The following KHDRBS2 variants were observed in gnomAD, a reference collection of about 807,000 sequenced individuals.
KHDRBS2 encodes KH RNA binding domain containing, signal transduction associated 2, also known as KH domain-containing, RNA-binding, signal transduction-associated protein 2.
KHDRBS2 carries 26 observed loss-of-function variants against 44.3 expected under a neutral mutation model. That is an observed-to-expected ratio of 0.59 (90% confidence interval 0.43 to 0.81). The LOEUF (loss-of-function observed/expected upper bound fraction) is 0.81, where lower values mean the gene tolerates loss of function less well. KHDRBS2 is among the 40% of genes least tolerant of loss of function. The pLI, the probability that KHDRBS2 is intolerant of heterozygous loss-of-function variation, is 0.00. For missense variants in KHDRBS2, 476 were observed against 433.1 expected (o/e 1.10, Z -0.88); for synonymous variants, 194 against 151.1 (o/e 1.28, Z -2.08).
At position 61,894,714 on chromosome 6, in the gene KHDRBS2, G is replaced by T. The variant is rs1802598387; in HGVS notation, c.731C>A (p.Thr244Asn). ...PVPPVARGVPTPRARGAPTVP... is the reference protein window; with the variant it reads ...PVPPVARGVPNPRARGAPTVP... ...TGTTGGTGCCCCCCGGGCTCGAGGG[G>T]TAGGGACACCTCTTGCTACAGGTGG... The change falls in exon 6 of 9, where the codon ACC becomes AAC. Residue 244 changes from threonine to asparagine, a missense_variant. Coordinates refer to ENST00000281156, the MANE Select transcript of KHDRBS2 (RefSeq NM_152688.4). 2.5e-6 allele frequency: 4 copies of T among 1,613,524 alleles called. No individual in the cohort carries two copies. Among genetic ancestry groups the T allele is most frequent in the African/African-American group, 1.3e-5 (1 of 74,902 alleles).
chr6:61,555,718 G>A, the KHDRBS2 span, among the ~76,000 whole-genome samples: 1 of 152,164 alleles, frequency 6.6e-6, no homozygotes, highest in Non-Finnish European at 1.5e-5. Flanking sequence ...GATGCCCTTA[G>A]GGGTTTGATT....
intron 6 of KHDRBS2, among the ~76,000 whole-genome samples, chr6:61,859,659 G>C (rs1032652195): frequency 3.9e-5 from 6 of 151,914 alleles, no homozygotes; most frequent in Non-Finnish European, 8.8e-5. Flanking sequence ...AGGGTTCTCA[G>C]CTGGCACTTC....
intron 6 of KHDRBS2, among the ~76,000 whole-genome samples, chr6:61,769,620 C>A (rs545141587): frequency 7.8e-6 from 1 of 128,154 alleles, no homozygotes; most frequent in African/African-American, 3.6e-5. Context: ...AAGGCGGCAG[C>A]GAGGCTGGGG....
chr6:61,682,233 A>G (rs1180531595), intron 8 of KHDRBS2, among the ~76,000 whole-genome samples: 1 of 151,886 alleles, frequency 6.6e-6, no homozygotes, highest in Non-Finnish European at 1.5e-5. Context: ...ACAATCTACT[A>G]TGTAGAAAAA....
chr6:62,035,498 G>A (rs1478365340), intron 3 of KHDRBS2, among the ~76,000 whole-genome samples: 1 of 151,984 alleles, frequency 6.6e-6, no homozygotes, highest in Non-Finnish European at 1.5e-5. Context: ...AAGCTGGGAA[G>A]GGGTTAGTGG....
chr6:62,061,966 C>T (rs568956652), intron 2 of KHDRBS2, among the ~76,000 whole-genome samples: 14 of 151,942 alleles, frequency 9.2e-5, no homozygotes, highest in East Asian at 2.0e-4. Context: ...TTGATCACAT[C>T]GGCTCCTGAG....
intron 3 of KHDRBS2, among the ~76,000 whole-genome samples, chr6:62,005,787 AT>A (rs1779105463): frequency 6.6e-6 from 1 of 151,924 alleles, no homozygotes; most frequent in Admixed American, 6.6e-5. Context: ...AAAATAAAAA[AT>A]GATAAAGCAG....
intron 3 of KHDRBS2, among the ~76,000 whole-genome samples, chr6:61,995,525 A>G (rs546939956): frequency 1.3e-5 from 2 of 152,286 alleles, no homozygotes; most frequent in African/African-American, 4.8e-5. Flanking sequence ...TGCTTTGGGA[A>G]GTCCAGGGTT....
At chr6:61,604,537 C>T in the KHDRBS2 span, among the ~76,000 whole-genome samples, 2 of 152,194 alleles carry the variant, frequency 1.3e-5, no homozygotes, top group Non-Finnish European at 1.5e-5. Flanking sequence ...TTCATAACCT[C>T]TTCCATGTAG....
At chr6:61,795,601 A>C (rs574626318) in intron 6 of KHDRBS2, among the ~76,000 whole-genome samples, 31 of 152,318 alleles carry the variant, frequency 2.0e-4, no homozygotes, top group African/African-American at 7.2e-4. Context: ...CTTTTGTTCT[A>C]GTTTTATTTC....
chr6:61,765,985 A>T (rs552958377), intron 6 of KHDRBS2, among the ~76,000 whole-genome samples: 1 of 152,176 alleles, frequency 6.6e-6, no homozygotes, highest in East Asian at 1.9e-4. Context: ...TCAGGGTAAT[A>T]CTTGCCTCAT....
chr6:61,577,488 A>G, the KHDRBS2 span, among the ~76,000 whole-genome samples: 17 of 152,236 alleles, frequency 1.1e-4, no homozygotes, highest in Non-Finnish European at 2.4e-4. Context: ...ACCATCTCCA[A>G]TCTCAGACTT....
intron 2 of KHDRBS2, among the ~76,000 whole-genome samples, chr6:62,152,961 G>A (rs1198550857): frequency 2.0e-5 from 3 of 152,222 alleles, no homozygotes; most frequent in South Asian, 2.1e-4. Flanking sequence ...ACAGCATCCC[G>A]GATCCACCTG....
intron 1 of KHDRBS2, among the ~76,000 whole-genome samples, chr6:62,215,647 T>C (rs1028814392): frequency 6.6e-6 from 1 of 151,880 alleles, no homozygotes; most frequent in Non-Finnish European, 1.5e-5. Context: ...ATTCTGTTTA[T>C]GTATCTTCCC....
intron 1 of KHDRBS2, among the ~76,000 whole-genome samples, chr6:62,209,778 T>C (rs1828706588): frequency 6.6e-6 from 1 of 152,166 alleles, no homozygotes; most frequent in Admixed American, 6.5e-5. Context: ...TGCTGAGTCT[T>C]CCAGCCTTCA....
the KHDRBS2 span, among the ~76,000 whole-genome samples, chr6:61,591,636 C>T: frequency 6.6e-6 from 1 of 152,156 alleles, no homozygotes; most frequent in South Asian, 2.1e-4. Flanking sequence ...CAAGATGAAG[C>T]AGGAAACCAG....
chr6:61,697,112 G>T, intron 8 of KHDRBS2, 83 bp downstream of exon 8: 1 of 937,048 alleles, frequency 1.1e-6, no homozygotes, highest in Non-Finnish European at 1.8e-6. Context: ...AAAACTAGGG[G>T]GAGAAAGATG....
At chr6:62,256,799 T>C (rs1406853742) in intron 1 of KHDRBS2, among the ~76,000 whole-genome samples, 3 of 152,086 alleles carry the variant, frequency 2.0e-5, no homozygotes, top group African/African-American at 7.2e-5. Flanking sequence ...AGAAACTATA[T>C]GGAATATGGG....
intron 6 of KHDRBS2, among the ~76,000 whole-genome samples, chr6:61,812,344 C>T (rs1031716661): frequency 6.6e-6 from 1 of 151,994 alleles, no homozygotes; most frequent in Non-Finnish European, 1.5e-5. Flanking sequence ...GAGTGCTTGT[C>T]ACATGGTAGG....
Sources: gnomAD v4.1 joint callset for allele counts (sites outside exome capture counted in the v4.1 genomes callset) on GRCh38, gnomAD v4.1.1 for gene constraint, MANE v1.5 for transcripts, NCBI Gene and HGNC (gene_info 2026-07-23, HGNC 2026-07-21) for gene names.